The following LTBP2 variants were observed in gnomAD, a reference collection of about 807,000 sequenced individuals.
The protein encoded by LTBP2 is latent transforming growth factor beta binding protein 2.
In LTBP2, 103 loss-of-function variants were observed where a neutral mutation model predicts 210.6. The observed-to-expected ratio is 0.49, with a 90% CI of 0.42 to 0.58. The LOEUF (loss-of-function observed/expected upper bound fraction) is 0.58. Ranked by LOEUF, LTBP2 falls within the 20% of genes least tolerant of loss-of-function variation. The probability of loss-of-function intolerance (pLI) is 0.00; values close to 1 mark genes in which losing one functional copy is unlikely to be tolerated. For synonymous variants in LTBP2, 1,007 were observed against 1,015.0 expected (o/e 0.99, Z 0.15); for missense variants, 2,313 against 2,494.5 (o/e 0.93, Z 1.55).
intron 2 of LTBP2, among the ~76,000 whole-genome samples, chr14:74,600,558 C>A (rs558696256): frequency 3.7e-4 from 56 of 152,258 alleles, no homozygotes; most frequent in African/African-American, 1.2e-3. Context: ...TGGAACATCA[C>A]TAGCAAGTTA....
intron 8 of LTBP2, among the ~76,000 whole-genome samples, chr14:74,540,830 A>ATTATATATATATT (rs1555350191): frequency 5.1e-4 from 35 of 68,628 alleles, no homozygotes; most frequent in South Asian, 3.1e-3. Flanking sequence ...ATTTTTATAT[A>ATTATATATATATT]ATATATATTT....
chr14:74,505,913 C>T, intron 28 of LTBP2, 135 bp downstream of exon 28: 1 of 1,259,496 alleles, frequency 7.9e-7, no homozygotes, highest in South Asian at 1.3e-5. Context: ...CAGGCCCCGC[C>T]TGCACCTCCC....
chr14:74,560,004 T>C (rs1194326835), intron 3 of LTBP2: 1 of 152,202 alleles, frequency 6.6e-6, no homozygotes, highest in Admixed American at 6.5e-5. Context: ...AGAATGGAAC[T>C]TGCTATCTTT....
At chr14:74,599,705 C>T (rs1008331981) in intron 2 of LTBP2, among the ~76,000 whole-genome samples, 4 of 152,236 alleles carry the variant, frequency 2.6e-5, no homozygotes, top group Non-Finnish European at 2.9e-5. Context: ...GCAATGGGCA[C>T]CTGCAGAACA....
At chr14:74,522,265 C>A (rs576787722) in intron 16 of LTBP2, among the ~76,000 whole-genome samples, 205 of 152,308 alleles carry the variant, frequency 1.3e-3, no homozygotes, top group Middle Eastern at 6.8e-3. Flanking sequence ...GCCAGCCCCT[C>A]CTATCTGCCC....
chr14:74,588,285 G>A lies in LTBP2; in HGVS notation c.566-2167C>T, dbSNP rs948986893. ...TTGCCCAGGCTGGATGCAATGACGC[G>A]ATCTCGGCTCACCACAAACTCCGCC... On this transcript the variant is annotated intron_variant, in intron 2 of 35. Transcript: ENST00000261978. Among the ~76,000 whole-genome samples, 21 of 152,116 alleles carry A rather than the reference G, an allele frequency of 1.4e-4. No homozygotes were observed. In the East Asian group the frequency reaches 1.7e-3, roughly 13 times the overall value.
Position 74,529,061 on chromosome 14 carries a change from G to A in LTBP2, c.2049C>T (p.Cys683=), listed in dbSNP as rs780750586. 1.3e-6 allele frequency: 2 copies of A among 1,563,774 alleles called. No individual in the cohort carries two copies. The highest frequency in any genetic ancestry group is 1.9e-5 in the Admixed American group (1 of 52,468). The change falls in exon 11 of 36, where the codon TGC becomes TGT. Residue 683 remains cysteine, a synonymous_variant. Transcript: ENST00000261978. ...LCYRSLGPGT[C]TLPLAQRITK... ...TGATCCGCTGGGCCAAAGGCAGGGT[G>A]CAGGTGCCGGGCCCCAGCGACCGGT...
At chr14:74,593,116 T>C (rs2139795981) in intron 2 of LTBP2, among the ~76,000 whole-genome samples, 1 of 152,326 alleles carries the variant, frequency 6.6e-6, no homozygotes, top group African/African-American at 2.4e-5. Flanking sequence ...TCTCCCCATG[T>C]TCCTAGCTGA....
intron 3 of LTBP2, among the ~76,000 whole-genome samples, chr14:74,565,870 C>T (rs2087895873): frequency 2.0e-5 from 3 of 152,180 alleles, no homozygotes; most frequent in Non-Finnish European, 2.9e-5. Context: ...TAATAATGAA[C>T]AGAATGGTCT....
At chr14:74,590,787 AAGCTATG>A (rs2088272112) in intron 2 of LTBP2, among the ~76,000 whole-genome samples, 1 of 99,248 alleles carries the variant, frequency 1.0e-5, no homozygotes, top group African/African-American at 3.8e-5. Flanking sequence ...TAAGCTAGCT[AAGCTATG>A]GGTATGAAAA....
chr14:74,553,846 A>T (rs2087692731), intron 4 of LTBP2, among the ~76,000 whole-genome samples: 1 of 151,632 alleles, frequency 6.6e-6, no homozygotes, highest in Non-Finnish European at 1.5e-5. Context: ...GAGGGGAGGA[A>T]ATTGAAAAAA....
chr14:74,536,661 C>A (rs547396247), intron 8 of LTBP2, among the ~76,000 whole-genome samples: 260 of 152,304 alleles, frequency 1.7e-3, no homozygotes, highest in African/African-American at 5.7e-3. Flanking sequence ...GTCTGGCTAA[C>A]ATGGTGAAAC....
chr14:74,506,280 C>G, intron 27 of LTBP2, 89 bp from the exon 28 acceptor site: 4 of 1,556,658 alleles, frequency 2.6e-6, no homozygotes, highest in Non-Finnish European at 3.5e-6. Context: ...CCAAAAGAAG[C>G]AGGCTAGGCC....
chr14:74,511,278 C>T lies in LTBP2; in HGVS notation c.2995G>A (p.Glu999Lys), dbSNP rs139575500. The T allele has an allele frequency of 8.1e-6, 13 of 1,614,072 alleles. No homozygotes were observed. In the East Asian group the frequency reaches 2.0e-4, roughly 25 times the overall value. ...PGSYTCLACEEGYRGQSGSCV... is the reference protein window; with the variant it reads ...PGSYTCLACEKGYRGQSGSCV... ...CTCCCACTCTGGCCCCGGTAGCCCT[C>T]CTCACAGGCCAGACAAGTGTAGGAG... The change falls in exon 19 of 36, where the codon GAG becomes AAG. Residue 999 changes from glutamate to lysine, a missense_variant. By Grantham distance (56) the Glu-to-Lys change is moderately conservative (BLOSUM62 1). Transcript: ENST00000261978.
At chr14:74,607,079 T>A (rs2088537511) in intron 1 of LTBP2, among the ~76,000 whole-genome samples, 1 of 152,228 alleles carries the variant, frequency 6.6e-6, no homozygotes, top group Non-Finnish European at 1.5e-5. Flanking sequence ...ATCTGGAGTT[T>A]CACAAAAAGT....
intron 12 of LTBP2, 96 bp downstream of exon 12, chr14:74,528,387 T>C (rs1323774922): frequency 2.9e-6 from 4 of 1,379,108 alleles, no homozygotes; most frequent in African/African-American, 1.4e-5. Flanking sequence ...AGAGATGGGA[T>C]GCCCAGGGAC....
chr14:74,593,040 C>T (rs1429941856), intron 2 of LTBP2, among the ~76,000 whole-genome samples: 1 of 152,022 alleles, frequency 6.6e-6, no homozygotes. Flanking sequence ...CAGCAGGACG[C>T]CAAAAGAGGA....
chr14:74,579,361 T>C (rs985633969), intron 3 of LTBP2, among the ~76,000 whole-genome samples: 19 of 152,206 alleles, frequency 1.2e-4, no homozygotes, highest in African/African-American at 4.3e-4. Flanking sequence ...GCAGAGTCCC[T>C]GTGCTCCCAA....
rs1325380637 is a variant in LTBP2 at position 74,522,452 on chromosome 14, C to G, written c.2659+338G>C. Among the ~76,000 whole-genome samples, 7 of 152,264 alleles carry G rather than the reference C, an allele frequency of 4.6e-5. No homozygotes were observed. In the South Asian group the frequency reaches 1.5e-3, roughly 32 times the overall value. Reference sequence around the variant, plus strand: ...CTGGTGGAGACATTTGCAACTGGGGCAGTCCTGGGTGTGCTCTCCAGGCAG... The same window carrying G: ...CTGGTGGAGACATTTGCAACTGGGGGAGTCCTGGGTGTGCTCTCCAGGCAG... On this transcript the variant is annotated intron_variant, in intron 16 of 35. Coordinates refer to ENST00000261978, the MANE Select transcript of LTBP2 (RefSeq NM_000428.3).
Sources: allele counts gnomAD v4.1 joint callset (sites outside exome capture counted in the v4.1 genomes callset), GRCh38; gene constraint gnomAD v4.1.1; transcripts MANE v1.5; gene names NCBI Gene and HGNC (gene_info 2026-07-23, HGNC 2026-07-21).